The following MARK3 variants were observed in gnomAD, a reference collection of about 807,000 sequenced individuals.
MARK3 encodes the protein MAP/microtubule affinity-regulating kinase 3.
Under a neutral mutation model 90.1 loss-of-function variants are expected in MARK3, and 46 were observed. The observed-to-expected ratio is 0.51, with a 90% confidence interval of 0.40 to 0.65. The LOEUF (loss-of-function observed/expected upper bound fraction) is 0.65, where lower values mean the gene tolerates loss of function less well. Among genes scored for constraint, MARK3 ranks in the 30% least tolerant of loss-of-function variants. The probability of loss-of-function intolerance (pLI) is 0.00; values close to 1 mark genes in which losing one functional copy is unlikely to be tolerated. For synonymous variants in MARK3, 321 were observed against 332.6 expected, an observed-to-expected ratio of 0.97 and a Z score of 0.38; for missense variants, 818 against 947.2, an observed-to-expected ratio of 0.86 and a Z score of 1.79.
At chr14:103,450,921 C>G (rs368199718) in intron 4 of MARK3, among the ~76,000 whole-genome samples, 20 of 52,626 alleles carry the variant, frequency 3.8e-4, no homozygotes, top group South Asian at 2.0e-3. Flanking sequence ...TGTGTGTATT[C>G]TTTTTTTTTT....
At chr14:103,460,167 G>T (rs1202056814) in intron 6 of MARK3, among the ~76,000 whole-genome samples, 8 of 124,370 alleles carry the variant, frequency 6.4e-5, no homozygotes, top group South Asian at 2.6e-4. Flanking sequence ...CTCACTGCAA[G>T]CTCCGCCCCC....
At chr14:103,485,309 C>T (rs1296696958) in intron 14 of MARK3, among the ~76,000 whole-genome samples, 1 of 137,456 alleles carries the variant, frequency 7.3e-6, no homozygotes, top group African/African-American at 2.8e-5. Context: ...GTGGCCCAGG[C>T]TGCAGTACAG....
At chr14:103,423,829 G>T (rs961649451) in intron 2 of MARK3, among the ~76,000 whole-genome samples, 2 of 152,190 alleles carry the variant, frequency 1.3e-5, no homozygotes, top group Admixed American at 1.3e-4. Context: ...CTGCAGTTTG[G>T]TTAAGCTGAA....
chr14:103,467,767 A>G (rs2141613957), intron 11 of MARK3: 2 of 263,404 alleles, frequency 7.6e-6, no homozygotes, highest in Non-Finnish European at 1.4e-5. Flanking sequence ...GAAATGACGT[A>G]AAGCATCAGA....
chr14:103,390,523 T>G (rs928995869), intron 1 of MARK3, among the ~76,000 whole-genome samples: 1 of 152,130 alleles, frequency 6.6e-6, no homozygotes, highest in African/African-American at 2.4e-5. Flanking sequence ...CCGGGCCACA[T>G]TGGAAGAATT....
rs193097699 is a variant in MARK3, at chr14:103,448,758, A to C, written c.298-161A>C. The stretch of plus-strand genomic sequence containing the variant: ...ATAGTTTATTAAAACTACTTCAGAG[A>C]TATTCTGGACTTTCATATTAGTCTT... On this transcript the variant is annotated intron_variant, in intron 3 of 17. Coordinates refer to ENST00000429436, the MANE Select transcript of MARK3 (RefSeq NM_001128918.3). 8.5e-4 allele frequency among the ~76,000 whole-genome samples: 130 copies of C among 152,336 alleles called. 1 individual carries two copies. The East Asian group carries it at 0.017, about 20-fold the overall frequency.
At chr14:103,396,181 G>A (rs1465832877) in intron 1 of MARK3, among the ~76,000 whole-genome samples, 1 of 151,842 alleles carries the variant, frequency 6.6e-6, no homozygotes, top group African/African-American at 2.4e-5. Context: ...CCGGGGGTCT[G>A]TTATTTAACA....
intron 16 of MARK3, chr14:103,499,894 G>T (rs1046855909): frequency 2.2e-6 from 1 of 458,774 alleles, no homozygotes; most frequent in South Asian, 2.1e-5. Context: ...GCGTGCAGCG[G>T]TATGGCATGC....
chr14:103,458,487 T>C (rs2093327750), intron 6 of MARK3, among the ~76,000 whole-genome samples: 1 of 127,804 alleles, frequency 7.8e-6, no homozygotes, highest in African/African-American at 2.8e-5. Context: ...AAGCAGCAGC[T>C]GTAGACAATA....
chr14:103,392,077 T>C (rs566928407), intron 1 of MARK3, among the ~76,000 whole-genome samples: 13 of 152,320 alleles, frequency 8.5e-5, no homozygotes, highest in Admixed American at 2.0e-4. Flanking sequence ...TACTGATATG[T>C]GTGCATCATG....
chr14:103,450,886 G>A (rs941180275), intron 4 of MARK3, among the ~76,000 whole-genome samples: 1 of 20,634 alleles, frequency 4.8e-5, no homozygotes, highest in African/African-American at 1.2e-4. Context: ...GTGTGTGTGT[G>A]TGTGTGTGTG....
intron 5 of MARK3, among the ~76,000 whole-genome samples, chr14:103,455,851 G>A (rs1056990296): frequency 4.6e-5 from 7 of 151,886 alleles, no homozygotes; most frequent in Non-Finnish European, 1.0e-4. Flanking sequence ...AGATAATTGT[G>A]TAATTCATGA....
chr14:103,386,456 C>T (rs2089806489), intron 1 of MARK3: 1 of 537,622 alleles, frequency 1.9e-6, no homozygotes, highest in Admixed American at 2.3e-5. Context: ...CTTGGTCAGG[C>T]AGTTCTTGAG....
intron 1 of MARK3, among the ~76,000 whole-genome samples, chr14:103,392,675 CTG>C (rs1052286877): frequency 3.3e-5 from 5 of 152,090 alleles, no homozygotes; most frequent in African/African-American, 4.8e-5. Flanking sequence ...TTAAAAAAAA[CTG>C]TTTATTAAAA....
intron 3 of MARK3, chr14:103,441,380 G>T (rs112785460): frequency 6.6e-6 from 1 of 152,130 alleles, no homozygotes; most frequent in Non-Finnish European, 1.5e-5. Flanking sequence ...CGCCTCCCGG[G>T]TTCACGCCAT....
intron 1 of MARK3, 190 bp downstream of exon 1, chr14:103,386,270 G>T (rs12436956): frequency 0.33 from 237,263 of 712,120 alleles, 42,279 homozygotes; most frequent in East Asian, 0.49. Flanking sequence ...GTTCGCGGGC[G>T]GGTCTGCGAA....
At chr14:103,416,430 T>C (rs948464534) in intron 2 of MARK3, among the ~76,000 whole-genome samples, 1 of 152,148 alleles carries the variant, frequency 6.6e-6, no homozygotes, top group Non-Finnish European at 1.5e-5. Context: ...GAGGGGATGG[T>C]GGAGGCATTG....
chr14:103,433,639 C>G (rs1225187744), intron 3 of MARK3, among the ~76,000 whole-genome samples: 1 of 151,516 alleles, frequency 6.6e-6, no homozygotes, highest in East Asian at 2.0e-4. Context: ...GAGCCGAGAT[C>G]ACACCACTGC....
chr14:103,433,176 C>A, intron 3 of MARK3, among the ~76,000 whole-genome samples: 1 of 150,816 alleles, frequency 6.6e-6, no homozygotes, highest in East Asian at 2.0e-4. Flanking sequence ...ACCTCTGCCT[C>A]CCGGGTTCAA....
Sources: gnomAD v4.1 joint callset for allele counts (sites outside exome capture counted in the v4.1 genomes callset) on GRCh38, gnomAD v4.1.1 for gene constraint, MANE v1.5 for transcripts, NCBI Gene and HGNC (gene_info 2026-07-23, HGNC 2026-07-21) for gene names.